The following DIP2C variants were observed in gnomAD, a reference collection of about 807,000 sequenced individuals.
The protein encoded by DIP2C is disco-interacting protein 2 homolog C.
DIP2C carries 33 observed loss-of-function variants against 192.4 expected under a neutral mutation model. The ratio of observed to expected loss-of-function variants is 0.17; its 90% CI spans 0.13 to 0.23. The LOEUF is 0.23. Among genes scored for constraint, DIP2C ranks in the 10% least tolerant of loss-of-function variants. DIP2C has a pLI of 1.00. For synonymous variants in DIP2C, 979 were observed against 864.1 expected, an observed-to-expected ratio of 1.13 and a Z score of -2.33; for missense variants, 1,537 against 2,110.1, an observed-to-expected ratio of 0.73 and a Z score of 5.32.
chr10:662,918 G>A (rs1485359584), intron 1 of DIP2C: 2 of 717,380 alleles, frequency 2.8e-6, no homozygotes, highest in African/African-American at 1.7e-5. Context: ...TCTCGGGAGA[G>A]GTGGATGTAC....
At chr10:542,085 A>G (rs1396049889) in intron 1 of DIP2C, among the ~76,000 whole-genome samples, 3 of 152,178 alleles carry the variant, frequency 2.0e-5, no homozygotes, top group Non-Finnish European at 4.4e-5. Flanking sequence ...CACTCTCAGA[A>G]AAGTCCCAGA....
At chr10:575,084 C>T (rs1165996806) in intron 1 of DIP2C, among the ~76,000 whole-genome samples, 1 of 151,058 alleles carries the variant, frequency 6.6e-6, no homozygotes. Flanking sequence ...GGAAAATAGA[C>T]AGAAGGAACT....
intron 1 of DIP2C, among the ~76,000 whole-genome samples, chr10:588,445 C>T (rs1242637996): frequency 2.0e-5 from 3 of 152,220 alleles, no homozygotes; most frequent in South Asian, 2.1e-4. Context: ...CCTGAGGCTC[C>T]GCACTGGGTG....
At chr10:515,033 T>C (rs960317711) in intron 1 of DIP2C, among the ~76,000 whole-genome samples, 11 of 152,226 alleles carry the variant, frequency 7.2e-5, no homozygotes, top group African/African-American at 2.4e-4. Context: ...AGGCAGATAG[T>C]AATTTTCAGA....
intron 1 of DIP2C, among the ~76,000 whole-genome samples, chr10:530,261 G>C (rs1847286364): frequency 6.6e-6 from 1 of 152,226 alleles, no homozygotes; most frequent in Admixed American, 6.5e-5. Context: ...CAAGGGTTTT[G>C]TTCCTTATTT....
At chr10:290,649 A>G (rs568493424) in intron 32 of DIP2C, among the ~76,000 whole-genome samples, 18 of 152,328 alleles carry the variant, frequency 1.2e-4, no homozygotes, top group Admixed American at 1.2e-3. Flanking sequence ...GCAGTAGAGA[A>G]GCCAGGCCAA....
intron 1 of DIP2C, among the ~76,000 whole-genome samples, chr10:586,975 G>A (rs931750139): frequency 1.3e-5 from 2 of 152,024 alleles, no homozygotes; most frequent in East Asian, 1.9e-4. Context: ...CAGACTACCC[G>A]GGTCCCCACT....
intron 3 of DIP2C, among the ~76,000 whole-genome samples, chr10:466,936 G>A (rs1327888848): frequency 2.0e-5 from 3 of 148,920 alleles, no homozygotes; most frequent in South Asian, 2.3e-4. Context: ...CTGTTGGTGG[G>A]ACTGTCAACT....
At chr10:401,722 C>A (rs376151169) in intron 9 of DIP2C, among the ~76,000 whole-genome samples, 980 of 74,092 alleles carry the variant, frequency 0.013, 10 homozygotes, top group Middle Eastern at 0.07. Context: ...GTATGTGTTC[C>A]TCAGCACATG....
intron 1 of DIP2C, among the ~76,000 whole-genome samples, chr10:526,665 G>A (rs1847073891): frequency 6.6e-6 from 1 of 152,144 alleles, no homozygotes; most frequent in African/African-American, 2.4e-5. Flanking sequence ...ATATGTTCTG[G>A]GTCTCCTGAT....
intron 17 of DIP2C, among the ~76,000 whole-genome samples, chr10:375,280 CTT>C (rs916842462): frequency 4.0e-5 from 6 of 150,178 alleles, no homozygotes; most frequent in African/African-American, 1.5e-4. Flanking sequence ...CTCTCTCTCT[CTT>C]GCTCGCTCAA....
chr10:317,374 G>C (rs78422777), intron 31 of DIP2C, among the ~76,000 whole-genome samples: 1,931 of 152,356 alleles, frequency 0.013, 35 homozygotes, highest in African/African-American at 0.044. Flanking sequence ...GAGTGGCACA[G>C]CAGAGCTGAG....
intron 1 of DIP2C, among the ~76,000 whole-genome samples, chr10:528,120 C>T (rs943369269): frequency 6.6e-6 from 1 of 152,250 alleles, no homozygotes; most frequent in African/African-American, 2.4e-5. Flanking sequence ...CCTGGAACAT[C>T]CCCCCTGAAG....
chr10:593,822 G>C (rs58365451), intron 1 of DIP2C, among the ~76,000 whole-genome samples: 5,451 of 152,244 alleles, frequency 0.036, 166 homozygotes, highest in East Asian at 0.08. Context: ...GGGAGAGCTT[G>C]TCTCACTCAC....
Position 276,275 on chromosome 10 carries a change from A to C in DIP2C, c.*1050T>G, listed in dbSNP as rs1371585204. On this transcript the variant is annotated 3_prime_UTR_variant, in exon 37 of 37. Transcript: ENST00000280886. ...GCTTTGAATTCTTTTGCCATCCTTG[A>C]GATGGCAATAATTTCACTTGCTGGT... 6.5e-6 allele frequency: 1 copy of C among 152,680 alleles called. No homozygotes were observed. The highest frequency in any genetic ancestry group is 1.5e-5 in the Non-Finnish European group (1 of 68,054). 9.5% of individuals were successfully genotyped at this position (152,680 alleles called of 1,614,324 possible).
chr10:520,439 C>A (rs11252926), intron 1 of DIP2C, among the ~76,000 whole-genome samples: 1 of 152,092 alleles, frequency 6.6e-6, no homozygotes, highest in East Asian at 1.9e-4. Flanking sequence ...TTTCTGCATA[C>A]AAAAAAAATT....
intron 3 of DIP2C, among the ~76,000 whole-genome samples, chr10:468,697 T>C (rs1222530338): frequency 2.0e-5 from 3 of 152,180 alleles, no homozygotes; most frequent in Admixed American, 6.5e-5. Context: ...GAGGCAGAGT[T>C]TGTGGCGTGA....
At position 643,382 on chromosome 10, in the gene DIP2C, C is replaced by T. The variant is rs564530462; in HGVS notation, c.85+46112G>A. 1.4e-4 allele frequency among the ~76,000 whole-genome samples: 21 copies of T among 152,130 alleles called. No individual in the cohort carries two copies. In the South Asian group the frequency reaches 4.0e-3, roughly 29 times the overall value. On this transcript the variant is annotated intron_variant, in intron 1 of 36. Coordinates refer to ENST00000280886, the MANE Select transcript of DIP2C (RefSeq NM_014974.3). ...CAAAAAAATTAGCCAGGCGTGGTGGCGGGTACCTATAGTCCCAGCTACTGG... is the reference window on the plus strand; with the variant it reads ...CAAAAAAATTAGCCAGGCGTGGTGGTGGGTACCTATAGTCCCAGCTACTGG...
intron 1 of DIP2C, among the ~76,000 whole-genome samples, chr10:512,618 A>C (rs1846087744): frequency 6.6e-6 from 1 of 151,962 alleles, no homozygotes; most frequent in Admixed American, 6.6e-5. Context: ...TGTATACATC[A>C]TTATAGAAAG....
Sources: gnomAD v4.1 joint callset for allele counts (sites outside exome capture counted in the v4.1 genomes callset) on GRCh38, gnomAD v4.1.1 for gene constraint, MANE v1.5 for transcripts, NCBI Gene and HGNC (gene_info 2026-07-23, HGNC 2026-07-21) for gene names.